Variants in UGT1A5 observed in about 807,000 individuals in gnomAD.
The protein encoded by UGT1A5 is UDP-glucuronosyltransferase 1A5.
In UGT1A5, 29 loss-of-function variants were observed where a neutral mutation model predicts 40.3. That is an observed-to-expected ratio of 0.72 (90% CI 0.54 to 0.98). The LOEUF (loss-of-function observed/expected upper bound fraction) is 0.98, where lower values mean the gene tolerates loss of function less well. UGT1A5 is among the 50% of genes least tolerant of loss of function. UGT1A5 has a pLI of 0.00. For synonymous variants in UGT1A5, 257 were observed against 262.5 expected, an observed-to-expected ratio of 0.98 and a Z score of 0.20; for missense variants, 678 against 677.9, an observed-to-expected ratio of 1.00 and a Z score of 0.00.
chr2:233,722,936 C>A (rs1348734383), intron 1 of UGT1A5, among the ~76,000 whole-genome samples: 1 of 147,750 alleles, frequency 6.8e-6, no homozygotes, highest in Non-Finnish European at 1.5e-5. Flanking sequence ...TGTCTCCATG[C>A]TGAGTGGGCT....
intron 3 of UGT1A5, 61 bp from the exon 4 acceptor site, chr2:233,768,159 T>A (rs1021483824): frequency 8.1e-6 from 13 of 1,613,176 alleles, no homozygotes; most frequent in African/African-American, 1.3e-5. Context: ...AGAACCTAGA[T>A]GTGTCCAGCT....
intron 1 of UGT1A5, chr2:233,755,833 G>C (rs1270609595): frequency 1.3e-5 from 2 of 152,294 alleles, no homozygotes; most frequent in Non-Finnish European, 2.9e-5. Flanking sequence ...CATATTCATT[G>C]GGCAATTTAA....
chr2:233,744,546 A>G (rs6741669), intron 1 of UGT1A5, among the ~76,000 whole-genome samples: 82,767 of 151,282 alleles, frequency 0.55, 24,843 homozygotes, highest in African/African-American at 0.8. Flanking sequence ...AAATTTTATT[A>G]AGACAAAATG....
At chr2:233,754,973 G>T in intron 1 of UGT1A5, 1 of 1,299,560 alleles carries the variant, frequency 7.7e-7, no homozygotes, top group Non-Finnish European at 1.0e-6. Flanking sequence ...ACTCCCTGAA[G>T]ACCTCGGCGG....
intron 1 of UGT1A5, among the ~76,000 whole-genome samples, chr2:233,756,677 T>A (rs1198081671): frequency 1.3e-5 from 2 of 152,198 alleles, no homozygotes; most frequent in African/African-American, 4.8e-5. Flanking sequence ...CCGCTAGAAC[T>A]GCTATATAAT....
At chr2:233,747,739 T>G in intron 1 of UGT1A5, 1 of 1,613,426 alleles carries the variant, frequency 6.2e-7, no homozygotes, top group African/African-American at 1.3e-5. Context: ...TTGAGGAACA[T>G]TCCATGTGAT....
At chr2:233,748,319 T>C (rs554683228) in intron 1 of UGT1A5, among the ~76,000 whole-genome samples, 1 of 151,864 alleles carries the variant, frequency 6.6e-6, no homozygotes, top group South Asian at 2.1e-4. Flanking sequence ...GGACTAGGAC[T>C]GATGTGACTC....
intron 1 of UGT1A5, among the ~76,000 whole-genome samples, chr2:233,716,543 C>T (rs2076509710): frequency 6.6e-6 from 1 of 152,114 alleles, no homozygotes; most frequent in South Asian, 2.1e-4. Flanking sequence ...CCTTTCTCTC[C>T]TTATATTCCT....
At position 233,769,644 on chromosome 2, in the gene UGT1A5, G is replaced by A; in HGVS notation, c.1307+1205G>A. ...CAAGGGACAACAGGGGAGGACTGAT[G>A]ACTGACTTCCCACCTTTGAGGTGCT... On this transcript the variant is annotated intron_variant, in intron 4 of 4. Transcript: ENST00000373414. This position sits in a 1 kb window ranked among gnomAD's most constrained non-coding sequence, Gnocchi z 4.4. The A allele has an allele frequency of 6.2e-7, 1 of 1,608,954 alleles. No individual in the cohort carries two copies. Among genetic ancestry groups the A allele is most frequent in the South Asian group, 1.1e-5 (1 of 90,446 alleles).
intron 1 of UGT1A5, among the ~76,000 whole-genome samples, chr2:233,714,456 G>T (rs1216186200): frequency 6.6e-6 from 1 of 152,164 alleles, no homozygotes; most frequent in Non-Finnish European, 1.5e-5. Flanking sequence ...GAGAGGGAGT[G>T]TTGGATTGTA....
At chr2:233,753,681 A>G in intron 1 of UGT1A5, 1 of 152,226 alleles carries the variant, frequency 6.6e-6, no homozygotes, top group East Asian at 1.9e-4. Flanking sequence ...CCTCACCCAA[A>G]CAATATTACA....
intron 1 of UGT1A5, among the ~76,000 whole-genome samples, chr2:233,730,736 G>A (rs896842159): frequency 4.6e-5 from 7 of 152,232 alleles, no homozygotes; most frequent in Non-Finnish European, 2.9e-5. Flanking sequence ...TGGCGGAAGG[G>A]GCTAGGGAGG....
chr2:233,740,789 C>T (rs1289641482), intron 1 of UGT1A5: 2 of 151,852 alleles, frequency 1.3e-5, no homozygotes, highest in Non-Finnish European at 2.9e-5. Context: ...TGAATACCCA[C>T]ATAACAGGCT....
At chr2:233,718,680 G>C in intron 1 of UGT1A5, 1 of 1,570,166 alleles carries the variant, frequency 6.4e-7, no homozygotes, top group South Asian at 1.2e-5. Flanking sequence ...TGGGTAATAA[G>C]TAACTGGAGG....
chr2:233,729,557 C>G lies in UGT1A5; in HGVS notation c.867+15699C>G, dbSNP rs13406898. 29 of 1,614,152 alleles carry G rather than the reference C, an allele frequency of 1.8e-5. No individual in the cohort carries two copies. The South Asian group carries it at 3.0e-4, about 16-fold the overall frequency. On this transcript the variant is annotated intron_variant, in intron 1 of 4. Transcript: ENST00000373414. ...GCCCTGATCAGGCACCTGAATGCTA[C>G]TTCCTTTGATGTGGTTTTAACAGAC...
At chr2:233,737,569 A>C (rs1156653495) in intron 1 of UGT1A5, among the ~76,000 whole-genome samples, 3 of 152,164 alleles carry the variant, frequency 2.0e-5, no homozygotes, top group African/African-American at 7.2e-5. Context: ...TGCACCCACT[A>C]TCCAACCAGT....
intron 1 of UGT1A5, among the ~76,000 whole-genome samples, chr2:233,731,993 G>T (rs913496587): frequency 6.6e-6 from 1 of 152,180 alleles, no homozygotes; most frequent in African/African-American, 2.4e-5. Context: ...GGCGTGAGAT[G>T]GTATCTCATT....
intron 1 of UGT1A5, among the ~76,000 whole-genome samples, chr2:233,733,638 G>T (rs913820039): frequency 6.6e-6 from 1 of 152,200 alleles, no homozygotes; most frequent in East Asian, 1.9e-4. Flanking sequence ...AACCAGCCTT[G>T]CATCCCAAGG....
intron 1 of UGT1A5, 122 bp from the exon 2 acceptor site, chr2:233,766,912 T>C: frequency 6.5e-7 from 1 of 1,532,250 alleles, no homozygotes; most frequent in African/African-American, 1.4e-5. Context: ...TTTTACTCTA[T>C]CTCAAACACG....
Sources: gnomAD v4.1 joint callset for allele counts (sites outside exome capture counted in the v4.1 genomes callset) on GRCh38, gnomAD v4.1.1 for gene constraint, Gnocchi (gnomAD v3.1) non-coding constraint, MANE v1.5 for transcripts, NCBI Gene and HGNC (gene_info 2026-07-23, HGNC 2026-07-21) for gene names.